Variants in CHN2 observed in about 807,000 individuals in gnomAD.
CHN2 encodes beta-chimaerin.
Under a neutral mutation model 56.3 loss-of-function variants are expected in CHN2, and 35 were observed. The observed-to-expected ratio is 0.62, with a 90% CI of 0.47 to 0.82. The LOEUF (loss-of-function observed/expected upper bound fraction) is 0.82. CHN2 is among the 40% of genes least tolerant of loss of function. The pLI is 0.00. For synonymous variants in CHN2, 210 were observed against 212.8 expected (o/e 0.99, Z 0.12); for missense variants, 491 against 580.5 (o/e 0.85, Z 1.58).
At chr7:29,308,440 C>T (rs747113051) in intron 1 of CHN2, among the ~76,000 whole-genome samples, 3 of 141,590 alleles carry the variant, frequency 2.1e-5, no homozygotes, top group Non-Finnish European at 3.0e-5. Context: ...GTGTCCCTCA[C>T]GTCACAGTGC....
intron 6 of CHN2, among the ~76,000 whole-genome samples, chr7:29,464,010 A>C (rs1014364675): frequency 2.6e-5 from 4 of 152,146 alleles, no homozygotes; most frequent in African/African-American, 9.7e-5. Context: ...GATACATAAC[A>C]ACCTTTTCCA....
intron 1 of CHN2, among the ~76,000 whole-genome samples, chr7:29,204,091 GTGTGTGTGT>G (rs1255869127): frequency 1.2e-4 from 18 of 151,408 alleles, no homozygotes; most frequent in Non-Finnish European, 2.2e-4. Context: ...GTGTGTGTGT[GTGTGTGTGT>G]GTGTGTGTGT....
intron 1 of CHN2, among the ~76,000 whole-genome samples, chr7:29,292,392 A>AAAATAGTT (rs1386149702): frequency 6.6e-6 from 1 of 152,228 alleles, no homozygotes; most frequent in East Asian, 1.9e-4. Context: ...ATATTGAGAA[A>AAAATAGTT]AAATAGTTAA....
chr7:29,401,132 G>C lies in CHN2; in HGVS notation c.576+304G>C, dbSNP rs571578450. 1.3e-5 allele frequency: 4 copies of C among 302,832 alleles called. No homozygotes were observed. The East Asian group carries it at 2.3e-4, about 17-fold the overall frequency. 18.8% of individuals were successfully genotyped at this position (302,832 alleles called of 1,614,324 possible). Reference sequence around the variant, plus strand: ...AAATACAAAAAATCAGCCGGGTGTGGTGGTGGGCGCCTGTAGTCCCAGTTA... The same window carrying C: ...AAATACAAAAAATCAGCCGGGTGTGCTGGTGGGCGCCTGTAGTCCCAGTTA... On this transcript the variant is annotated intron_variant, in intron 6 of 12. Coordinates refer to ENST00000222792, the MANE Select transcript of CHN2 (RefSeq NM_004067.4).
chr7:29,306,793 C>T (rs977268921), intron 1 of CHN2, among the ~76,000 whole-genome samples: 33 of 152,232 alleles, frequency 2.2e-4, no homozygotes, highest in Non-Finnish European at 4.6e-4. Context: ...TCCTTGAGGG[C>T]TGACAGCAAA....
chr7:29,153,224 G>A, intron 2 of CHN2, among the ~76,000 whole-genome samples: 1 of 152,108 alleles, frequency 6.6e-6, no homozygotes, highest in East Asian at 1.9e-4. Context: ...ATGGTATGTG[G>A]GCCTCTGTGT....
chr7:29,463,552 T>G (rs1314343784), intron 6 of CHN2, among the ~76,000 whole-genome samples: 7 of 152,182 alleles, frequency 4.6e-5, no homozygotes. Flanking sequence ...TGGACTCAGA[T>G]TGTTTAAGAT....
At chr7:29,307,660 C>T (rs1176751356) in intron 1 of CHN2, among the ~76,000 whole-genome samples, 1 of 152,092 alleles carries the variant, frequency 6.6e-6, no homozygotes, top group East Asian at 1.9e-4. Flanking sequence ...TGCTCTGCTG[C>T]TGGGTTTTGA....
chr7:29,491,630 A>G (rs562533474), intron 7 of CHN2, among the ~76,000 whole-genome samples: 5 of 152,236 alleles, frequency 3.3e-5, no homozygotes, highest in Non-Finnish European at 7.4e-5. Context: ...GCTGGTCTCT[A>G]CCTGGCCTCA....
intron 2 of CHN2, among the ~76,000 whole-genome samples, chr7:29,183,797 G>A (rs989667488): frequency 2.6e-5 from 4 of 152,046 alleles, no homozygotes; most frequent in African/African-American, 4.8e-5. Flanking sequence ...AGATTAATAG[G>A]AGATACATAT....
rs759575449 is a variant in CHN2, at chr7:29,500,022, C to A, written c.895C>A (p.Arg299=). The change falls in exon 9 of 13, where the codon CGG becomes AGG. Residue 299 remains arginine (R), a synonymous_variant. Transcript: ENST00000222792. ...ACCCATGGTGGTAGACATATGCATT[C>A]GGGAAATTGAAGCAAGAGGTTTGGA... is the stretch of plus-strand genomic sequence containing the variant. ...QRPMVVDICI[R]EIEARGLKSE... is the part of the protein sequence containing the mutation. 9.7e-6 allele frequency: 15 copies of A among 1,546,626 alleles called. No homozygotes were observed. Among genetic ancestry groups the A allele is most frequent in the Admixed American group, 6.4e-5 (3 of 47,100 alleles).
Position 29,227,200 on chromosome 7 carries a change from A to G in CHN2, c.49+32210A>G, listed in dbSNP as rs748566962. ...AATAGTGGTGCACCCCGCTGGCAGCAGGCAGCTTATTGAGAAGATGTCTCC... is the reference window on the plus strand; with the variant it reads ...AATAGTGGTGCACCCCGCTGGCAGCGGGCAGCTTATTGAGAAGATGTCTCC... On this transcript the variant is annotated intron_variant, in intron 1 of 12. Transcript: ENST00000222792. Among the ~76,000 whole-genome samples, 16 of 152,350 alleles carry G rather than the reference A, an allele frequency of 1.1e-4. No homozygotes were observed. In the East Asian group the frequency reaches 1.2e-3, roughly 11 times the overall value.
intron 1 of CHN2, among the ~76,000 whole-genome samples, chr7:29,278,056 C>CAAGTGCTGAA (rs1356264163): frequency 6.6e-6 from 1 of 152,174 alleles, no homozygotes; most frequent in African/African-American, 2.4e-5. Flanking sequence ...CCCCAGAGCC[C>CAAGTGCTGAA]AAGTGCTGAA....
At chr7:29,255,651 C>T (rs986240416) in intron 1 of CHN2, among the ~76,000 whole-genome samples, 8 of 152,166 alleles carry the variant, frequency 5.3e-5, no homozygotes, top group African/African-American at 1.4e-4. Context: ...ACAGCCAAGA[C>T]GGCAAGCTGG....
chr7:29,170,721 C>T (rs577913782), intron 2 of CHN2, among the ~76,000 whole-genome samples: 5 of 152,254 alleles, frequency 3.3e-5, no homozygotes, highest in East Asian at 1.9e-4. Flanking sequence ...AAGACGTACT[C>T]GCGACTGGGC....
At chr7:29,506,227 G>A (rs906152051) in intron 10 of CHN2, among the ~76,000 whole-genome samples, 2 of 152,108 alleles carry the variant, frequency 1.3e-5, no homozygotes, top group African/African-American at 4.8e-5. Flanking sequence ...GGTTGGAAAC[G>A]GAGCAGGTCA....
At chr7:29,213,702 A>G (rs970967393) in intron 1 of CHN2, among the ~76,000 whole-genome samples, 4 of 152,156 alleles carry the variant, frequency 2.6e-5, no homozygotes, top group African/African-American at 9.7e-5. Flanking sequence ...CTGTTTTACT[A>G]TATCCCCTAA....
At chr7:29,470,137 G>T (rs1344284287) in intron 6 of CHN2, among the ~76,000 whole-genome samples, 3 of 152,184 alleles carry the variant, frequency 2.0e-5, no homozygotes, top group African/African-American at 7.2e-5. Flanking sequence ...GGCTTGAGAG[G>T]TGTCTGCATC....
chr7:29,493,664 T>A (rs1788906655), intron 7 of CHN2, among the ~76,000 whole-genome samples: 1 of 152,132 alleles, frequency 6.6e-6, no homozygotes, highest in African/African-American at 2.4e-5. Flanking sequence ...TTGACTCCTG[T>A]CTCCCTCAAA....
Sources: gnomAD v4.1 joint callset for allele counts (sites outside exome capture counted in the v4.1 genomes callset) on GRCh38, gnomAD v4.1.1 for gene constraint, MANE v1.5 for transcripts, NCBI Gene and HGNC (gene_info 2026-07-23, HGNC 2026-07-21) for gene names.